SNAP25: variants seen among roughly 807,000 people sequenced by gnomAD.
SNAP25 encodes the protein synaptosome associated protein 25, also known as synaptosomal-associated protein 25.
In SNAP25, 3 loss-of-function variants were observed where a neutral mutation model predicts 28.7. The observed-to-expected ratio is 0.10, with a 90% CI of 0.05 to 0.27. The LOEUF is 0.27. SNAP25 is among the 10% of genes least tolerant of loss of function. The pLI is 1.00. For missense variants in SNAP25, 117 were observed against 278.7 expected, an observed-to-expected ratio of 0.42 and a Z score of 4.13; for synonymous variants, 61 against 88.1, an observed-to-expected ratio of 0.69 and a Z score of 1.72.
chr20:10,290,717 A>G (rs987626114), intron 4 of SNAP25, among the ~76,000 whole-genome samples: 14 of 152,092 alleles, frequency 9.2e-5, no homozygotes, highest in Non-Finnish European at 1.8e-4. Context: ...AAATAATTGC[A>G]TATGTGTCCC....
At chr20:10,278,757 G>A (rs2063731900) in intron 3 of SNAP25, among the ~76,000 whole-genome samples, 1 of 152,056 alleles carries the variant, frequency 6.6e-6, no homozygotes, top group Non-Finnish European at 1.5e-5. Context: ...AAGGATAAAA[G>A]GAAAGGCAGC....
chr20:10,224,997 C>G (rs2062709315), intron 1 of SNAP25, among the ~76,000 whole-genome samples: 1 of 151,988 alleles, frequency 6.6e-6, no homozygotes, highest in African/African-American at 2.4e-5. Context: ...CTGTAAAGTA[C>G]TTTAAAAGTA....
chr20:10,235,599 G>C (rs1251662464), intron 1 of SNAP25, among the ~76,000 whole-genome samples: 2 of 152,188 alleles, frequency 1.3e-5, no homozygotes, highest in Non-Finnish European at 2.9e-5. Context: ...CCCTGAAGCA[G>C]TTATTTTTCT....
At position 10,277,624 on chromosome 20, in the gene SNAP25, T is replaced by C. The variant is rs115804817; in HGVS notation, c.73-61T>C. On this transcript the variant is annotated intron_variant, in intron 2 of 7. Coordinates refer to ENST00000254976, the MANE Select transcript of SNAP25 (RefSeq NM_130811.4). Reference sequence around the variant, plus strand: ...TCAAGTAAATAAAGTATTTCTGATTTTCCAAGATCTCTGGATCCTGCACTC... The same window carrying C: ...TCAAGTAAATAAAGTATTTCTGATTCTCCAAGATCTCTGGATCCTGCACTC... 2,219 of 1,417,674 alleles carry C rather than the reference T, an allele frequency of 1.6e-3. 37 individuals are homozygous for C. In the African/African-American group the frequency reaches 0.027, roughly 17 times the overall value. 87.8% of individuals were successfully genotyped at this position (1,417,674 alleles called of 1,614,324 possible).
chr20:10,302,018 A>T (rs1244042141), intron 7 of SNAP25, among the ~76,000 whole-genome samples: 1 of 151,752 alleles, frequency 6.6e-6, no homozygotes, highest in Admixed American at 6.6e-5. Context: ...AGCCTATATC[A>T]GAGGGTTTAT....
At chr20:10,224,672 C>T (rs1475898405) in intron 1 of SNAP25, among the ~76,000 whole-genome samples, 4 of 151,880 alleles carry the variant, frequency 2.6e-5, no homozygotes, top group Non-Finnish European at 5.9e-5. Context: ...TATTTTTTCC[C>T]CCCTCAGAAT....
intron 3 of SNAP25, among the ~76,000 whole-genome samples, chr20:10,278,912 G>A (rs1187151962): frequency 7.2e-6 from 1 of 138,020 alleles, no homozygotes; most frequent in African/African-American, 2.6e-5. Context: ...CTAGGAAGCC[G>A]GGGAAGTGGG....
intron 1 of SNAP25, among the ~76,000 whole-genome samples, chr20:10,236,035 A>G (rs1449253144): frequency 1.3e-5 from 2 of 152,210 alleles, no homozygotes; most frequent in Admixed American, 1.3e-4. Flanking sequence ...CTATATTTAC[A>G]AAAAATCAAC....
intron 1 of SNAP25, among the ~76,000 whole-genome samples, chr20:10,257,767 C>T (rs2063345843): frequency 6.6e-6 from 1 of 150,980 alleles, no homozygotes; most frequent in African/African-American, 2.5e-5. Context: ...CCTGTAGTCC[C>T]AGCTACTCAG....
intron 1 of SNAP25, among the ~76,000 whole-genome samples, chr20:10,267,901 G>A (rs1029549850): frequency 1.3e-5 from 2 of 152,192 alleles, no homozygotes; most frequent in African/African-American, 4.8e-5. Flanking sequence ...ACTTTGCTTT[G>A]AGAATAAATA....
chr20:10,290,497 G>A (rs1474420413), intron 4 of SNAP25, among the ~76,000 whole-genome samples: 5 of 152,040 alleles, frequency 3.3e-5, no homozygotes, highest in Non-Finnish European at 5.9e-5. Flanking sequence ...GGATTTAGAC[G>A]TGCCTGTTTG....
chr20:10,221,098 TGG>T (rs2062624624), intron 1 of SNAP25, among the ~76,000 whole-genome samples: 1 of 152,224 alleles, frequency 6.6e-6, no homozygotes, highest in Non-Finnish European at 1.5e-5. Context: ...AGAGAAAATA[TGG>T]GCAGGAATCT....
chr20:10,302,968 C>A (rs906780246), intron 7 of SNAP25, among the ~76,000 whole-genome samples: 6 of 152,080 alleles, frequency 3.9e-5, no homozygotes, highest in African/African-American at 1.4e-4. Context: ...TACAGAGTAA[C>A]CTCATGCTCT....
intron 1 of SNAP25, among the ~76,000 whole-genome samples, chr20:10,259,940 G>A (rs541245622): frequency 6.6e-6 from 1 of 152,312 alleles, no homozygotes; most frequent in African/African-American, 2.4e-5. Flanking sequence ...AAGAGAATTT[G>A]CACATCACCT....
At chr20:10,263,621 T>G (rs1449950978) in intron 1 of SNAP25, among the ~76,000 whole-genome samples, 1 of 152,284 alleles carries the variant, frequency 6.6e-6, no homozygotes, top group Admixed American at 6.5e-5. Context: ...TTTCTTTTAT[T>G]GTGGCCAAGT....
chr20:10,256,405 C>T (rs902168163), intron 1 of SNAP25, among the ~76,000 whole-genome samples: 1 of 151,666 alleles, frequency 6.6e-6, no homozygotes, highest in South Asian at 2.1e-4. Flanking sequence ...TAATTCTTTC[C>T]GTATGTACAC....
At chr20:10,225,716 A>C (rs1266864343) in intron 1 of SNAP25, among the ~76,000 whole-genome samples, 1 of 152,114 alleles carries the variant, frequency 6.6e-6, no homozygotes, top group Non-Finnish European at 1.5e-5. Flanking sequence ...TTAAAGAAAA[A>C]GGTTATTTTC....
intron 4 of SNAP25, among the ~76,000 whole-genome samples, chr20:10,287,747 T>A (rs1335117878): frequency 1.3e-5 from 2 of 151,192 alleles, no homozygotes; most frequent in East Asian, 3.9e-4. Flanking sequence ...TAGCAAAGAC[T>A]TGGAACCAAC....
chr20:10,271,984 C>T (rs1359963452), intron 1 of SNAP25, among the ~76,000 whole-genome samples: 1 of 152,156 alleles, frequency 6.6e-6, no homozygotes, highest in African/African-American at 2.4e-5. Context: ...TTTGTCTCCT[C>T]GTGGTACTCC....
Sources: gnomAD v4.1 joint callset for allele counts (sites outside exome capture counted in the v4.1 genomes callset) on GRCh38, gnomAD v4.1.1 for gene constraint, MANE v1.5 for transcripts, NCBI Gene and HGNC (gene_info 2026-07-23, HGNC 2026-07-21) for gene names.